The following KAZN variants were observed in gnomAD, a reference collection of about 807,000 sequenced individuals.
The protein encoded by KAZN is kazrin.
In KAZN, 40 loss-of-function variants were observed where a neutral mutation model predicts 87.4. That is an observed-to-expected ratio of 0.46 (90% CI 0.36 to 0.60). KAZN has a LOEUF of 0.60. KAZN is among the 20% of genes least tolerant of loss of function. The pLI is 0.00. For missense variants in KAZN, 898 were observed against 1,073.9 expected (o/e 0.84, Z 2.29); for synonymous variants, 466 against 458.3 (o/e 1.02, Z -0.22).
intron 1 of KAZN, among the ~76,000 whole-genome samples, chr1:14,016,386 T>C (rs1640572988): frequency 6.6e-6 from 1 of 152,188 alleles, no homozygotes; most frequent in Admixed American, 6.5e-5. Flanking sequence ...CATGACCCTA[T>C]GTAAGCCTCT....
intron 1 of KAZN, among the ~76,000 whole-genome samples, chr1:13,970,043 C>A (rs529272859): frequency 6.6e-6 from 1 of 152,308 alleles, no homozygotes; most frequent in Admixed American, 6.5e-5. Context: ...TGCCCAAATT[C>A]ATGCTATTTC....
At chr1:14,193,920 T>TTGTTTATGCTGC (rs1553142645) in intron 2 of KAZN, among the ~76,000 whole-genome samples, 4 of 152,072 alleles carry the variant, frequency 2.6e-5, no homozygotes, top group Admixed American at 2.6e-4. Flanking sequence ...GGTATCGCTG[T>TTGTTTATGCTGC]TGTTTATGCT....
chr1:14,801,373 G>A (rs542518736), intron 1 of KAZN, among the ~76,000 whole-genome samples: 9 of 152,306 alleles, frequency 5.9e-5, no homozygotes, highest in East Asian at 5.8e-4. Context: ...GGGGTGGCAC[G>A]CACAGGTGAA....
At chr1:14,804,391 C>T (rs764175087) in intron 1 of KAZN, among the ~76,000 whole-genome samples, 12 of 152,166 alleles carry the variant, frequency 7.9e-5, no homozygotes, top group Non-Finnish European at 1.5e-4. Flanking sequence ...TTACAAGCCT[C>T]TGGCTTGTAA....
intron 1 of KAZN, among the ~76,000 whole-genome samples, chr1:14,662,944 A>AATATATATATAT (rs3085966): frequency 1.5e-4 from 21 of 142,848 alleles, no homozygotes; most frequent in African/African-American, 5.2e-4. Flanking sequence ...TATATATGTA[A>AATATATATATAT]ATATATATAT....
At chr1:14,638,524 G>A (rs183600518) in intron 1 of KAZN, among the ~76,000 whole-genome samples, 310 of 147,252 alleles carry the variant, frequency 2.1e-3, no homozygotes, top group African/African-American at 7.8e-3. Flanking sequence ...AGCTGAGATT[G>A]CACCACGGCA....
chr1:14,910,231 G>A (rs1557611799), intron 1 of KAZN, among the ~76,000 whole-genome samples: 1 of 152,156 alleles, frequency 6.6e-6, no homozygotes, highest in African/African-American at 2.4e-5. Context: ...ATGAGTGGCT[G>A]TCATGAGATC....
intron 2 of KAZN, among the ~76,000 whole-genome samples, chr1:14,215,744 G>A (rs140441276): frequency 8.0e-4 from 122 of 152,220 alleles, no homozygotes; most frequent in Non-Finnish European, 1.0e-3. Context: ...TAATTGGTGA[G>A]GGTGGATTTG....
At chr1:14,410,740 C>A (rs1211374717) in intron 2 of KAZN, among the ~76,000 whole-genome samples, 1 of 152,158 alleles carries the variant, frequency 6.6e-6, no homozygotes, top group Non-Finnish European at 1.5e-5. Flanking sequence ...TGAAAGAGAA[C>A]CCTGGAGAGA....
chr1:14,572,154 T>C (rs1674911313), intron 2 of KAZN, among the ~76,000 whole-genome samples: 1 of 152,192 alleles, frequency 6.6e-6, no homozygotes, highest in Non-Finnish European at 1.5e-5. Context: ...GGTGGGAAAC[T>C]TTAGAATAAC....
chr1:15,065,833 T>A (rs1247953734), intron 8 of KAZN, 80 bp downstream of exon 8: 28 of 1,583,746 alleles, frequency 1.8e-5, no homozygotes, highest in Non-Finnish European at 2.4e-5. Context: ...CGCAGGCGTG[T>A]CTGTGCGTGT....
At chr1:14,981,085 G>A (rs1209481161) in intron 2 of KAZN, among the ~76,000 whole-genome samples, 1 of 152,178 alleles carries the variant, frequency 6.6e-6, no homozygotes, top group Non-Finnish European at 1.5e-5. Flanking sequence ...GCAGAACAGC[G>A]GGGCCTGAGA....
chr1:14,847,749 G>C (rs970233939), intron 1 of KAZN, among the ~76,000 whole-genome samples: 1 of 152,220 alleles, frequency 6.6e-6, no homozygotes, highest in Non-Finnish European at 1.5e-5. Context: ...GGGAAGCCGA[G>C]GTGGGAGGAT....
At chr1:14,204,362 A>T (rs1646697499) in intron 2 of KAZN, among the ~76,000 whole-genome samples, 1 of 152,238 alleles carries the variant, frequency 6.6e-6, no homozygotes, top group South Asian at 2.1e-4. Context: ...AAAAGAAATC[A>T]TGGAGCACAG....
chr1:14,619,000 G>A (rs964916056), intron 1 of KAZN, among the ~76,000 whole-genome samples: 2 of 152,174 alleles, frequency 1.3e-5, no homozygotes, highest in African/African-American at 4.8e-5. Context: ...CAGGACGACA[G>A]CATGGCTTGT....
At chr1:14,152,658 C>G (rs1309016739) in intron 1 of KAZN, among the ~76,000 whole-genome samples, 1 of 152,210 alleles carries the variant, frequency 6.6e-6, no homozygotes, top group African/African-American at 2.4e-5. Flanking sequence ...CACAGTAGTG[C>G]AGATATCTCT....
intron 4 of KAZN, among the ~76,000 whole-genome samples, chr1:15,046,308 G>C (rs867790435): frequency 3.3e-5 from 3 of 91,570 alleles, no homozygotes; most frequent in Non-Finnish European, 4.7e-5. Context: ...AAAAAAAAAA[G>C]AGAATCATAA....
intron 8 of KAZN, among the ~76,000 whole-genome samples, chr1:15,075,051 G>A (rs1439000243): frequency 6.6e-6 from 1 of 152,176 alleles, no homozygotes; most frequent in Admixed American, 6.5e-5. Flanking sequence ...GGTAAGTTCA[G>A]CAATTAGCCC....
At chr1:15,068,106 T>C (rs944868652) in intron 8 of KAZN, 45 of 918,644 alleles carry the variant, frequency 4.9e-5, no homozygotes, top group Non-Finnish European at 5.7e-5. Flanking sequence ...TGGATGCAAA[T>C]ATAAAATATT....
Sources: gnomAD v4.1 joint callset for allele counts (sites outside exome capture counted in the v4.1 genomes callset) on GRCh38, gnomAD v4.1.1 for gene constraint, MANE v1.5 for transcripts, NCBI Gene and HGNC (gene_info 2026-07-23, HGNC 2026-07-21) for gene names.